WNT5B: variants seen among roughly 807,000 people sequenced by gnomAD.
WNT5B encodes the protein Wnt family member 5B, also known as protein Wnt-5b.
Under a neutral mutation model 36.5 loss-of-function variants are expected in WNT5B, and 18 were observed. The observed-to-expected ratio is 0.49, with a 90% CI of 0.34 to 0.73. WNT5B has a LOEUF of 0.73. Among genes scored for constraint, WNT5B ranks in the 30% least tolerant of loss-of-function variants. The pLI, the probability that WNT5B is intolerant of heterozygous loss-of-function variation, is 0.01. For synonymous variants in WNT5B, 213 were observed against 212.3 expected, an observed-to-expected ratio of 1.00 and a Z score of -0.03; for missense variants, 424 against 508.4, an observed-to-expected ratio of 0.83 and a Z score of 1.60.
At chr12:1,641,607 AG>A (rs1170506012) in intron 4 of WNT5B, among the ~76,000 whole-genome samples, 1 of 152,052 alleles carries the variant, frequency 6.6e-6, no homozygotes, top group Non-Finnish European at 1.5e-5. Context: ...GTTCAAGACC[AG>A]GCTGGCCAAC....
In WNT5B at chr12:1,636,636, G is replaced by T. The variant is rs1208027395; in HGVS notation, c.329-3048G>T. Among the ~76,000 whole-genome samples, 29 of 150,348 alleles carry T rather than the reference G, an allele frequency of 1.9e-4. 1 individual carries two copies. The highest frequency in any genetic ancestry group is 5.9e-5 in the Non-Finnish European group (4 of 67,698). On this transcript the variant is annotated intron_variant, in intron 3 of 4. Transcript: ENST00000397196. ...GCTCATTGCAGCCTCCAACTCCTGGGCTTAAACAATTCTTCCACCTCAACC... is the reference window on the plus strand; with the variant it reads ...GCTCATTGCAGCCTCCAACTCCTGGTCTTAAACAATTCTTCCACCTCAACC...
At chr12:1,622,107 CTTTTTT>C (rs35497935) in intron 1 of WNT5B, among the ~76,000 whole-genome samples, 4 of 99,054 alleles carry the variant, frequency 4.0e-5, no homozygotes, top group Non-Finnish European at 5.9e-5. Flanking sequence ...TCTGACACTT[CTTTTTT>C]TTTTTTTTTT....
At chr12:1,627,534 T>C (rs1592520692), upstream of WNT5B, among the ~76,000 whole-genome samples, 1 of 152,274 alleles carries the variant, frequency 6.6e-6, no homozygotes, top group Admixed American at 6.5e-5. This position sits in a 1 kb window ranked among gnomAD's most constrained non-coding sequence, Gnocchi z 5.0. Context: ...CGGTCTCTCT[T>C]TTTGGTCTCT....
Position 1,645,931 on chromosome 12 carries a change from C to T in WNT5B, c.759C>T (p.Ala253=), listed in dbSNP as rs771481658. The change falls in exon 5 of 5, where the codon GCC becomes GCT. Residue 253 remains alanine (A), a synonymous_variant. Transcript: ENST00000397196. ...TGAAGGAGAAGTACGACAGCGCGGCCGCCATGCGCGTCACCCGCAAGGGCC... is the reference window on the plus strand; with the variant it reads ...TGAAGGAGAAGTACGACAGCGCGGCTGCCATGCGCGTCACCCGCAAGGGCC... The part of the protein sequence containing the change: ...DRLKEKYDSA[A]AMRVTRKGRL... 1.6e-5 allele frequency: 26 copies of T among 1,610,140 alleles called. No homozygotes were observed. The highest frequency in any genetic ancestry group is 2.7e-5 in the African/African-American group (2 of 75,070).
At chr12:1,625,810 C>T (rs1443993571), upstream of WNT5B, among the ~76,000 whole-genome samples, 3 of 151,384 alleles carry the variant, frequency 2.0e-5, no homozygotes, top group East Asian at 1.9e-4. Flanking sequence ...ATTACAGGCA[C>T]CCATCACCAC....
exon 1 of WNT5B, chr12:1,617,118 C>G (rs1049130375): frequency 6.6e-6 from 1 of 152,114 alleles, no homozygotes; most frequent in Non-Finnish European, 1.5e-5. Context: ...AGTAAGATCT[C>G]AAGAGAGCGA....
chr12:1,630,451 G>T lies in WNT5B; in HGVS notation c.-57-847G>T, dbSNP rs1194843038. On this transcript the variant is annotated intron_variant, in intron 1 of 4. Coordinates refer to ENST00000397196, the MANE Select transcript of WNT5B (RefSeq NM_032642.3). The surrounding 1 kb of genome is among the most constrained non-coding windows in gnomAD (Gnocchi z 5.3). Reference sequence around the variant, plus strand: ...GGAGGCCAAGAGGCGGGAGGCCCGGGAGCCAGCAGGGAAGGGCTGTGGCAT... The same window carrying T: ...GGAGGCCAAGAGGCGGGAGGCCCGGTAGCCAGCAGGGAAGGGCTGTGGCAT... 6.6e-6 allele frequency among the ~76,000 whole-genome samples: 1 copy of T among 152,208 alleles called. No individual in the cohort carries two copies. The highest frequency in any genetic ancestry group is 1.5e-5 in the Non-Finnish European group (1 of 68,022).
chr12:1,643,738 G>A (rs2094580075), intron 4 of WNT5B, among the ~76,000 whole-genome samples: 1 of 124,104 alleles, frequency 8.1e-6, no homozygotes, highest in Admixed American at 1.0e-4. Context: ...GCTGAAAATC[G>A]GCATTTCCCC....
rs2094585325 is a variant in WNT5B at position 1,646,177 on chromosome 12, C to T, written c.1005C>T (p.His335=). ...AGAGCGTGCAGGTGGAGCGCTGCCA[C>T]TGCAAGTTCCACTGGTGCTGCTTCG... is the stretch of plus-strand genomic sequence containing the variant. ...QFKSVQVERC[H]CKFHWCCFVR... The change falls in exon 5 of 5, where the codon CAC becomes CAT. Residue 335 remains histidine, a synonymous_variant. Coordinates refer to ENST00000397196, the MANE Select transcript of WNT5B (RefSeq NM_032642.3). 4 of 1,613,774 alleles carry T rather than the reference C, an allele frequency of 2.5e-6. No individual in the cohort carries two copies. Among genetic ancestry groups the T allele is most frequent in the South Asian group, 2.2e-5 (2 of 91,096 alleles).
At chr12:1,636,498 T>C (rs1249398043) in intron 3 of WNT5B, among the ~76,000 whole-genome samples, 217 of 1,118 alleles carry the variant, frequency 0.19, 2 homozygotes, top group African/African-American at 0.27. Flanking sequence ...TGTTGCAGTC[T>C]ATATATATAT....
At chr12:1,638,845 C>G (rs2094567188) in intron 3 of WNT5B, among the ~76,000 whole-genome samples, 1 of 152,210 alleles carries the variant, frequency 6.6e-6, no homozygotes, top group South Asian at 2.1e-4. Context: ...CTCCTGGCCT[C>G]TGCCACTGTC....
rs1388015253 is a variant in WNT5B at position 1,636,005 on chromosome 12, C to T, written c.328+3100C>T. On this transcript the variant is annotated intron_variant, in intron 3 of 4. Transcript: ENST00000397196. Reference sequence around the variant, plus strand: ...AAGGGAGAGATTTCTCTAGACCTCTCGGTTGATTGCAGACTGCTTCCCTTT... The same window carrying T: ...AAGGGAGAGATTTCTCTAGACCTCTTGGTTGATTGCAGACTGCTTCCCTTT... Among the ~76,000 whole-genome samples, 5 of 152,148 alleles carry T rather than the reference C, an allele frequency of 3.3e-5. No homozygotes were observed. In the East Asian group the frequency reaches 9.6e-4, roughly 29 times the overall value.
chr12:1,646,069 G>A lies in WNT5B; in HGVS notation c.897G>A (p.Thr299=), dbSNP rs2094585097. Residue 299 remains threonine, a synonymous_variant, in exon 5 of 5, where the codon ACG becomes ACA. Coordinates refer to ENST00000397196, the MANE Select transcript of WNT5B (RefSeq NM_032642.3). The part of the protein sequence containing the change: ...LRNESTGSLG[T]QGRLCNKTSE... ...ACGAGAGCACGGGCTCCCTGGGCAC[G>A]CAGGGCCGCCTCTGCAACAAGACCT... 5.6e-6 allele frequency: 9 copies of A among 1,613,536 alleles called. No individual in the cohort carries two copies. The highest frequency in any genetic ancestry group is 4.5e-5 in the East Asian group (2 of 44,896).
At position 1,639,769 on chromosome 12, in the gene WNT5B, C is replaced by G. The variant is rs2094570814; in HGVS notation, c.414C>G (p.Leu138=). ...AISRACREGE[L]STCGCSRTAR... ...GCCGGGCCTGCCGCGAGGGCGAGCT[C>G]TCCACCTGCGGCTGCAGCCGGACGG... is the stretch of plus-strand genomic sequence containing the variant. Residue 138 remains leucine, a synonymous_variant, in exon 4 of 5, where the codon CTC becomes CTG. Coordinates refer to ENST00000397196, the MANE Select transcript of WNT5B (RefSeq NM_032642.3). The G allele has an allele frequency of 1.7e-5, 27 of 1,609,670 alleles. No homozygotes were observed. The highest frequency in any genetic ancestry group is 2.3e-5 in the Non-Finnish European group (27 of 1,177,942).
At chr12:1,639,402 G>T (rs994769814) in intron 3 of WNT5B, among the ~76,000 whole-genome samples, 3 of 151,074 alleles carry the variant, frequency 2.0e-5, no homozygotes, top group Non-Finnish European at 3.0e-5. Context: ...CCTCCCAAAG[G>T]GCTGGGATTA....
intron 1 of WNT5B, among the ~76,000 whole-genome samples, chr12:1,624,212 C>A (rs936918628): frequency 2.0e-5 from 3 of 151,974 alleles, no homozygotes; most frequent in Non-Finnish European, 4.4e-5. Flanking sequence ...CATGATGAAA[C>A]CCATCTCTAC....
At chr12:1,639,550 C>G (rs558518787) in intron 3 of WNT5B, 134 bp from the exon 4 acceptor site, 123 of 935,874 alleles carry the variant, frequency 1.3e-4, no homozygotes, top group Non-Finnish European at 1.8e-4. Flanking sequence ...GTTAGAGCTA[C>G]GGGAAGCGAA....
rs2094553332 is a variant in WNT5B, at chr12:1,632,758, C to T, written c.181C>T (p.Leu61=). The change falls in exon 3 of 5, where the codon CTG becomes TTG. Residue 61 remains leucine (L), a synonymous_variant. Transcript: ENST00000397196. The surrounding 1 kb of genome is among the most constrained non-coding windows in gnomAD (Gnocchi z 5.8). ...LPGLSPGQRK[L]CQLYQEHMAY... ...CGGGCTCTCCCCTGGCCAGAGGAAGCTGTGCCAATTGTACCAGGAGCACAT... is the reference window on the plus strand; with the variant it reads ...CGGGCTCTCCCCTGGCCAGAGGAAGTTGTGCCAATTGTACCAGGAGCACAT... 3 of 1,614,172 alleles carry T rather than the reference C, an allele frequency of 1.9e-6. No homozygotes were observed. In the East Asian group the frequency reaches 6.7e-5, roughly 36 times the overall value.
chr12:1,625,845 G>C (rs2154439382), upstream of WNT5B, among the ~76,000 whole-genome samples: 1 of 151,840 alleles, frequency 6.6e-6, no homozygotes, highest in South Asian at 2.1e-4. Context: ...TGTATTTTTA[G>C]TAGAGATAGG....
Sources: gnomAD v4.1 joint callset for allele counts (sites outside exome capture counted in the v4.1 genomes callset) on GRCh38, gnomAD v4.1.1 for gene constraint, Gnocchi (gnomAD v3.1) non-coding constraint, MANE v1.5 for transcripts, NCBI Gene and HGNC (gene_info 2026-07-23, HGNC 2026-07-21) for gene names.